RAB27A: variants seen among roughly 807,000 people sequenced by gnomAD.
RAB27A encodes ras-related protein Rab-27A.
Under a neutral mutation model 20.8 loss-of-function variants are expected in RAB27A, and 17 were observed. The observed-to-expected ratio is 0.82, with a 90% CI of 0.56 to 1.23. RAB27A has a LOEUF of 1.23. Among genes scored for constraint, RAB27A ranks in the 50% most tolerant of loss-of-function variants. RAB27A has a pLI of 0.00. For missense variants in RAB27A, 277 were observed against 266.7 expected (o/e 1.04, Z -0.27); for synonymous variants, 85 against 92.8 (o/e 0.92, Z 0.48).
intron 2 of RAB27A, among the ~76,000 whole-genome samples, chr15:55,256,099 G>C (rs1442338339): frequency 6.6e-6 from 1 of 152,152 alleles, no homozygotes; most frequent in Non-Finnish European, 1.5e-5. Flanking sequence ...TACAAGTCAA[G>C]TAGAGGCTGG....
intron 2 of RAB27A, among the ~76,000 whole-genome samples, chr15:55,298,416 A>C (rs1322287037): frequency 2.6e-5 from 4 of 152,070 alleles, no homozygotes; most frequent in Non-Finnish European, 5.9e-5. Context: ...AAAACCACCA[A>C]GTTTTTATTA....
At chr15:55,258,064 C>T (rs1353711813) in intron 2 of RAB27A, among the ~76,000 whole-genome samples, 61 of 119,212 alleles carry the variant, frequency 5.1e-4, no homozygotes, top group African/African-American at 1.7e-3. Context: ...GAGACTCAGT[C>T]TCAAAAAAAA....
chr15:55,226,713 C>T lies in RAB27A; in HGVS notation c.343+1896G>A, dbSNP rs149262062. ...GTGAAACCCCATCTCTACAAAAATA[C>T]AAAAATTAGCTGGGGGTGTTGGTGT... On this transcript the variant is annotated intron_variant, in intron 5 of 6. Coordinates refer to ENST00000336787, the MANE Select transcript of RAB27A (RefSeq NM_183235.3). Among the ~76,000 whole-genome samples the T allele has an allele frequency of 2.8e-3, 420 of 151,720 alleles. 2 individuals carry two copies. The highest frequency in any genetic ancestry group is 9.8e-3 in the African/African-American group (404 of 41,376).
At chr15:55,280,300 A>G (rs1897981357) in intron 1 of RAB27A, among the ~76,000 whole-genome samples, 3 of 151,954 alleles carry the variant, frequency 2.0e-5, no homozygotes, top group African/African-American at 7.2e-5. Context: ...CATGAGACAT[A>G]TGATCTCTTC....
chr15:55,205,820 A>G, intron 6 of RAB27A, 115 bp from the exon 7 acceptor site: 1 of 958,334 alleles, frequency 1.0e-6, no homozygotes. Context: ...GATGACAAAC[A>G]TTTTACCACC....
At chr15:55,253,818 G>A (rs910591125) in intron 2 of RAB27A, among the ~76,000 whole-genome samples, 2 of 151,720 alleles carry the variant, frequency 1.3e-5, no homozygotes, top group Admixed American at 6.6e-5. Flanking sequence ...TTAGCAAAGA[G>A]ACTATGAATC....
chr15:55,316,655 T>A (rs1169581357), intron 1 of RAB27A, among the ~76,000 whole-genome samples: 1 of 152,060 alleles, frequency 6.6e-6, no homozygotes, highest in Non-Finnish European at 1.5e-5. Context: ...CAATTCTTAG[T>A]AACTTCAAAA....
At chr15:55,313,823 C>T (rs1363208630) in intron 2 of RAB27A, among the ~76,000 whole-genome samples, 1 of 151,982 alleles carries the variant, frequency 6.6e-6, no homozygotes, top group Non-Finnish European at 1.5e-5. Flanking sequence ...AATACAAAAA[C>T]TTAGCCGGGA....
intron 2 of RAB27A, among the ~76,000 whole-genome samples, chr15:55,245,397 T>A (rs1896649307): frequency 6.6e-6 from 1 of 152,180 alleles, no homozygotes; most frequent in Non-Finnish European, 1.5e-5. Context: ...GAAGTGGAAA[T>A]CTAACACCTT....
chr15:55,225,026 C>T (rs958451446), intron 5 of RAB27A, among the ~76,000 whole-genome samples: 2 of 152,210 alleles, frequency 1.3e-5, no homozygotes, highest in African/African-American at 4.8e-5. Context: ...ATAAGACCTA[C>T]AGAGGACAGA....
At chr15:55,232,899 G>A (rs917815482) in intron 3 of RAB27A, among the ~76,000 whole-genome samples, 2 of 152,146 alleles carry the variant, frequency 1.3e-5, no homozygotes, top group Admixed American at 1.3e-4. Context: ...TAAGATGGGT[G>A]GATCACTTGA....
intron 2 of RAB27A, among the ~76,000 whole-genome samples, chr15:55,258,824 T>C (rs1057134274): frequency 1.3e-5 from 2 of 152,336 alleles, no homozygotes; most frequent in African/African-American, 2.4e-5. Flanking sequence ...CCTATTTTTC[T>C]ATTGGGTTCT....
At chr15:55,261,580 A>G (rs1052558132) in intron 2 of RAB27A, among the ~76,000 whole-genome samples, 24 of 150,100 alleles carry the variant, frequency 1.6e-4, no homozygotes, top group African/African-American at 5.9e-4. Flanking sequence ...ATACCAAAAA[A>G]AAAAAAAAAA....
chr15:55,274,794 T>TATATATATATATATATATATATATA (rs1897805753), intron 1 of RAB27A, among the ~76,000 whole-genome samples: 1 of 52,172 alleles, frequency 1.9e-5, no homozygotes, highest in Non-Finnish European at 4.3e-5. Flanking sequence ...AATAAATAAA[T>TATATATATATATATATATATATATA]TATATATATA....
intron 1 of RAB27A, among the ~76,000 whole-genome samples, chr15:55,316,967 A>G (rs771762396): frequency 5.3e-5 from 8 of 152,234 alleles, no homozygotes; most frequent in Admixed American, 1.3e-4. Context: ...GTTGGTTCAC[A>G]TATCTACAAA....
At chr15:55,303,795 T>G (rs1356301381) in intron 2 of RAB27A, among the ~76,000 whole-genome samples, 1 of 115,722 alleles carries the variant, frequency 8.6e-6, no homozygotes, top group Non-Finnish European at 1.8e-5. Flanking sequence ...GGTGGGGGGG[T>G]CAGCCCCCCG....
chr15:55,266,293 G>C (rs1289889797), intron 2 of RAB27A, among the ~76,000 whole-genome samples: 4 of 152,174 alleles, frequency 2.6e-5, no homozygotes, highest in Non-Finnish European at 5.9e-5. Flanking sequence ...CTGATACCCT[G>C]ATCTCAGACT....
intron 2 of RAB27A, among the ~76,000 whole-genome samples, chr15:55,300,717 T>C (rs1303074487): frequency 6.6e-6 from 1 of 151,832 alleles, no homozygotes; most frequent in Non-Finnish European, 1.5e-5. Flanking sequence ...TTGACTTACA[T>C]ATAGTTTTCA....
rs570117384 is a variant in RAB27A, at chr15:55,259,485, C to G, written c.-23+10680G>C. On this transcript the variant is annotated intron_variant, in intron 2 of 6. Transcript: ENST00000336787. ...TCTTTTTTGTAGAGATGGGGTCTCACTATGTTGCCCAAGCTAGTCTTGAAC... is the reference window on the plus strand; with the variant it reads ...TCTTTTTTGTAGAGATGGGGTCTCAGTATGTTGCCCAAGCTAGTCTTGAAC... Among the ~76,000 whole-genome samples, 12 of 151,596 alleles carry G rather than the reference C, an allele frequency of 7.9e-5. No homozygotes were observed. In the South Asian group the frequency reaches 2.5e-3, roughly 32 times the overall value.
Sources: allele counts gnomAD v4.1 joint callset (sites outside exome capture counted in the v4.1 genomes callset), GRCh38; gene constraint gnomAD v4.1.1; transcripts MANE v1.5; gene names NCBI Gene and HGNC (gene_info 2026-07-23, HGNC 2026-07-21).